The following SGCG variants were observed in gnomAD, a reference collection of about 807,000 sequenced individuals.
The protein encoded by SGCG is gamma-sarcoglycan.
SGCG carries 26 observed loss-of-function variants against 29.3 expected under a neutral mutation model. The observed-to-expected ratio is 0.89, with a 90% CI of 0.65 to 1.23. The LOEUF is 1.23. Among genes scored for constraint, SGCG ranks in the 50% most tolerant of loss-of-function variants. The probability of loss-of-function intolerance (pLI) is 0.00; values close to 1 mark genes in which losing one functional copy is unlikely to be tolerated. For synonymous variants in SGCG, 145 were observed against 129.7 expected (o/e 1.12, Z -0.80); for missense variants, 353 against 356.0 (o/e 0.99, Z 0.07).
intron 3 of SGCG, chr13:23,243,746 A>G (rs1879596614): frequency 6.6e-6 from 1 of 152,148 alleles, no homozygotes; most frequent in Admixed American, 6.6e-5. Context: ...TGAGGCAGCT[A>G]TAATTTATTC....
At chr13:23,231,441 T>C (rs914429757) in intron 2 of SGCG, among the ~76,000 whole-genome samples, 2 of 152,142 alleles carry the variant, frequency 1.3e-5, no homozygotes, top group Non-Finnish European at 2.9e-5. Context: ...AATCTGACTA[T>C]GTAAATTAGC....
chr13:23,217,258 G>C (rs570785618), intron 2 of SGCG, among the ~76,000 whole-genome samples: 1 of 152,168 alleles, frequency 6.6e-6, no homozygotes, highest in East Asian at 1.9e-4. Context: ...TATGAATAGA[G>C]ACTGTTTCAG....
intron 5 of SGCG, among the ~76,000 whole-genome samples, chr13:23,293,052 C>T (rs1040569509): frequency 1.3e-5 from 2 of 152,184 alleles, no homozygotes; most frequent in African/African-American, 4.8e-5. Flanking sequence ...CATCAGCAAA[C>T]CAGACATTGT....
intron 2 of SGCG, among the ~76,000 whole-genome samples, chr13:23,227,460 G>A (rs1242762004): frequency 6.6e-6 from 1 of 152,128 alleles, no homozygotes; most frequent in East Asian, 1.9e-4. Flanking sequence ...TTCTTAAAAA[G>A]TTAACCTTAG....
At chr13:23,293,612 C>T (rs752606461) in intron 5 of SGCG, among the ~76,000 whole-genome samples, 4 of 152,150 alleles carry the variant, frequency 2.6e-5, no homozygotes, top group Non-Finnish European at 5.9e-5. Context: ...AGACAGATCA[C>T]CGGAGGTCAG....
chr13:23,185,908 C>T (rs1025608655), intron 1 of SGCG, among the ~76,000 whole-genome samples: 5 of 152,224 alleles, frequency 3.3e-5, no homozygotes, highest in Non-Finnish European at 7.3e-5. Flanking sequence ...CACGAGTCCA[C>T]CCCTCGCATC....
At chr13:23,225,236 C>T (rs1438123449) in intron 2 of SGCG, among the ~76,000 whole-genome samples, 4 of 152,156 alleles carry the variant, frequency 2.6e-5, no homozygotes, top group South Asian at 2.1e-4. Flanking sequence ...CTTCCATGGC[C>T]GAAGGGACTT....
At chr13:23,218,253 C>T (rs1350157115) in intron 2 of SGCG, among the ~76,000 whole-genome samples, 1 of 152,108 alleles carries the variant, frequency 6.6e-6, no homozygotes, top group African/African-American at 2.4e-5. Flanking sequence ...ATATTTTGGT[C>T]TCAACTAGCT....
intron 1 of SGCG, among the ~76,000 whole-genome samples, chr13:23,199,409 A>T (rs9578554): frequency 6.6e-6 from 1 of 152,132 alleles, no homozygotes; most frequent in Non-Finnish European, 1.5e-5. Flanking sequence ...CTGACCTCCA[A>T]GTGCTGAAGC....
At chr13:23,247,018 A>G (rs1302288092) in intron 3 of SGCG, 1 of 155,320 alleles carries the variant, frequency 6.4e-6, no homozygotes, top group African/African-American at 2.4e-5. Flanking sequence ...GTAGAAACCA[A>G]TGCTCCCTTC....
chr13:23,196,374 T>TG (rs200408918), intron 1 of SGCG, among the ~76,000 whole-genome samples: 5 of 71,140 alleles, frequency 7.0e-5, no homozygotes, highest in Non-Finnish European at 1.1e-4. Flanking sequence ...CAATATCTTT[T>TG]GGGGGGGTTA....
chr13:23,183,224 A>C (rs1220131341), intron 1 of SGCG, among the ~76,000 whole-genome samples: 1 of 152,126 alleles, frequency 6.6e-6, no homozygotes, highest in African/African-American at 2.4e-5. Flanking sequence ...GCAATTAGAA[A>C]GTTTCTGACT....
the SGCG span, chr13:23,170,072 T>C: frequency 6.6e-6 from 1 of 152,178 alleles, no homozygotes. Flanking sequence ...GAAATAAAAG[T>C]AGTGGAATTT....
At chr13:23,276,381 C>T (rs558381932) in intron 4 of SGCG, among the ~76,000 whole-genome samples, 6 of 151,448 alleles carry the variant, frequency 4.0e-5, no homozygotes, top group Admixed American at 1.3e-4. Flanking sequence ...ACCTGGAGAT[C>T]CCTGTTCTTC....
chr13:23,245,345 G>C (rs1879666113), intron 3 of SGCG: 1 of 152,120 alleles, frequency 6.6e-6, no homozygotes, highest in Admixed American at 6.5e-5. Context: ...AACCAAACAA[G>C]TTCCAGAACA....
intron 1 of SGCG, among the ~76,000 whole-genome samples, chr13:23,189,474 C>A (rs1203301593): frequency 6.6e-6 from 1 of 152,092 alleles, no homozygotes; most frequent in Non-Finnish European, 1.5e-5. Flanking sequence ...CTGCGCCTGG[C>A]CTTTTTCCTG....
chr13:23,311,240 C>G (rs909416033), intron 6 of SGCG, among the ~76,000 whole-genome samples: 1 of 152,126 alleles, frequency 6.6e-6, no homozygotes, highest in Non-Finnish European at 1.5e-5. Flanking sequence ...ATTCTGAATT[C>G]TTTTAAGATT....
intron 6 of SGCG, among the ~76,000 whole-genome samples, chr13:23,299,456 A>ATATTTTT (rs1882059808): frequency 2.4e-5 from 1 of 41,536 alleles, no homozygotes; most frequent in Non-Finnish European, 4.8e-5. Flanking sequence ...ATATATATAT[A>ATATTTTT]TTTTTTTTTT....
intron 5 of SGCG, among the ~76,000 whole-genome samples, chr13:23,279,718 C>CCTTCCTTCCTTCCTTCCTTCCTTA (rs1200299713): frequency 2.6e-5 from 4 of 151,622 alleles, no homozygotes; most frequent in Non-Finnish European, 5.9e-5. Flanking sequence ...TCCCTTCCTT[C>CCTTCCTTCCTTCCTTCCTTCCTTA]CTCCCTTCCT....
Sources: gnomAD v4.1 joint callset for allele counts (sites outside exome capture counted in the v4.1 genomes callset) on GRCh38, gnomAD v4.1.1 for gene constraint, MANE v1.5 for transcripts, NCBI Gene and HGNC (gene_info 2026-07-23, HGNC 2026-07-21) for gene names.